The following CATSPERG variants were observed in gnomAD, a reference collection of about 807,000 sequenced individuals.
CATSPERG encodes catsper channel auxiliary subunit gamma.
A neutral mutation model predicts 145.0 loss-of-function variants in CATSPERG; 115 were observed. The ratio of observed to expected loss-of-function variants is 0.79; its 90% CI spans 0.68 to 0.93. The LOEUF (loss-of-function observed/expected upper bound fraction) is 0.93. Among genes scored for constraint, CATSPERG ranks in the 40% least tolerant of loss-of-function variants. The pLI, the probability that CATSPERG is intolerant of heterozygous loss-of-function variation, is 0.00. For missense variants in CATSPERG, 1,296 were observed against 1,490.1 expected (o/e 0.87, Z 2.14); for synonymous variants, 588 against 589.0 (o/e 1.00, Z 0.02).
chr19:38,357,499 G>C (rs999199054), intron 11 of CATSPERG, among the ~76,000 whole-genome samples: 4 of 139,564 alleles, frequency 2.9e-5, no homozygotes, highest in Non-Finnish European at 4.6e-5. Context: ...CTGGGTGACA[G>C]AGCAAGACCC....
In CATSPERG at chr19:38,360,392, C is replaced by G. The variant is rs188408847; in HGVS notation, c.1609-97C>G. On this transcript the variant is annotated intron_variant, in intron 14 of 28. Transcript: ENST00000409235. ...TGGAGGTGAGTTTCCAAACTTCATC[C>G]CTCAAACAATGGGGCCACCACACTG... is the stretch of plus-strand genomic sequence containing the variant. 1.0e-5 allele frequency: 16 copies of G among 1,538,272 alleles called. No individual in the cohort carries two copies. The South Asian group carries it at 2.0e-4, about 19-fold the overall frequency.
intron 3 of CATSPERG, among the ~76,000 whole-genome samples, chr19:38,342,592 T>G (rs1487161465): frequency 1.4e-5 from 2 of 141,164 alleles, no homozygotes; most frequent in East Asian, 2.1e-4. Context: ...AGAGTGAGAC[T>G]CCTTCTTGAA....
chr19:38,363,824 C>G (rs2145106099), intron 20 of CATSPERG, among the ~76,000 whole-genome samples: 1 of 152,320 alleles, frequency 6.6e-6, no homozygotes, highest in Middle Eastern at 3.4e-3. Flanking sequence ...AAGAATTTTT[C>G]CCAGTACAAA....
At chr19:38,369,380 C>A (rs953683690) in intron 26 of CATSPERG, 1 of 175,090 alleles carries the variant, frequency 5.7e-6, no homozygotes. Flanking sequence ...CCCAACTCAG[C>A]CTCCTGTGTA....
chr19:38,356,809 G>C lies in CATSPERG; in HGVS notation c.1263G>C (p.Glu421Asp). The C allele has an allele frequency of 6.2e-7, 1 of 1,614,176 alleles. No homozygotes were observed. Among genetic ancestry groups the C allele is most frequent in the Middle Eastern group, 1.6e-4 (1 of 6,062 alleles). Residue 421 changes from glutamate (E) to aspartate (D), a missense_variant, in exon 11 of 29, where the codon GAG becomes GAC. Physicochemically the swap from Glu to Asp is conservative, Grantham distance 45. Transcript: ENST00000409235. ...AGTATACTCTACTGCTGCTGGTGGA[G>C]AGTGGATATGGTAATGCAAGTAAAC... ...AGEYTLLLLV[E>D]SGYGNASKRF...
At chr19:38,349,967 T>C (rs950283923) in intron 7 of CATSPERG, among the ~76,000 whole-genome samples, 8 of 152,052 alleles carry the variant, frequency 5.3e-5, no homozygotes, top group Non-Finnish European at 7.4e-5. Context: ...ACCCGGCCGT[T>C]GCTCATTCTC....
rs769252944 is a variant in CATSPERG at position 38,367,188 on chromosome 19, C to T, written c.2646C>T (p.Cys882=). ...TGATGGTGCCAGTGTTCATTGGCTG[C>T]CCCCCAGGCAAGCGCCTGGCCTTCG... ...GNLMVPVFIG[C]PPGKRLAFDI... Residue 882 remains cysteine (C), a synonymous_variant, in exon 23 of 29, where the codon TGC becomes TGT. Coordinates refer to ENST00000409235, the MANE Select transcript of CATSPERG (RefSeq NM_021185.5). The T allele has an allele frequency of 1.2e-6, 2 of 1,612,820 alleles. No individual in the cohort carries two copies. Among genetic ancestry groups the T allele is most frequent in the African/African-American group, 2.7e-5 (2 of 74,830 alleles).
chr19:38,365,079 C>T lies in CATSPERG; in HGVS notation c.2575C>T (p.Leu859Phe), dbSNP rs1415943051. The change falls in exon 22 of 29, where the codon CTC becomes TTC. Residue 859 changes from leucine to phenylalanine, a missense_variant. Physicochemically the swap from Leu to Phe is conservative, Grantham distance 22 (BLOSUM62 0). Transcript: ENST00000409235. Reference protein sequence around the residue: ...MTVNVVGSSGLCFQETHLGPH... With the variant: ...MTVNVVGSSGFCFQETHLGPH... Reference sequence around the variant, plus strand: ...CCCACAGGTGGTGGGTTCATCCGGGCTCTGCTTCCAGGAAACACACCTGGG... The same window carrying T: ...CCCACAGGTGGTGGGTTCATCCGGGTTCTGCTTCCAGGAAACACACCTGGG... The T allele has an allele frequency of 3.1e-6, 5 of 1,613,804 alleles. No homozygotes were observed. The highest frequency in any genetic ancestry group is 4.2e-6 in the Non-Finnish European group (5 of 1,180,024).
chr19:38,336,344 T>G, intron 1 of CATSPERG: 6 of 326,280 alleles, frequency 1.8e-5, no homozygotes, highest in Non-Finnish European at 2.6e-5. Flanking sequence ...GGAGGGGCGT[T>G]ACCAGAGGGC....
intron 19 of CATSPERG, 33 bp from the exon 20 acceptor site, chr19:38,362,681 G>A: frequency 1.2e-6 from 2 of 1,607,536 alleles, no homozygotes; most frequent in Non-Finnish European, 1.7e-6. Context: ...TGTCTGTGAG[G>A]GAGGCCTTAA....
intron 13 of CATSPERG, 43 bp from the exon 14 acceptor site, chr19:38,359,427 G>T: frequency 7.6e-7 from 1 of 1,311,152 alleles, no homozygotes; most frequent in South Asian, 1.2e-5. Flanking sequence ...TGGGGGAAGC[G>T]GCTGTCCAGC....
At chr19:38,369,196 C>A (rs1424825944) in intron 26 of CATSPERG, among the ~76,000 whole-genome samples, 1 of 152,134 alleles carries the variant, frequency 6.6e-6, no homozygotes, top group African/African-American at 2.4e-5. Context: ...AAGCCATGAG[C>A]AAATGAAGGC....
chr19:38,347,537 G>A (rs1970061198), intron 7 of CATSPERG, among the ~76,000 whole-genome samples: 1 of 152,214 alleles, frequency 6.6e-6, no homozygotes, highest in African/African-American at 2.4e-5. Flanking sequence ...AATAGGGAGG[G>A]AGTGTCTGAA....
chr19:38,352,033 G>A (rs879520383), intron 7 of CATSPERG, among the ~76,000 whole-genome samples: 1 of 152,192 alleles, frequency 6.6e-6, no homozygotes, highest in African/African-American at 2.4e-5. Flanking sequence ...AACTCCAGGG[G>A]GCACACGAAG....
In CATSPERG at chr19:38,362,359, C is replaced by G. The variant is rs974846575; in HGVS notation, c.2158-17C>G. 1 of 1,614,016 alleles carries G rather than the reference C, an allele frequency of 6.2e-7. No individual in the cohort carries two copies. The highest frequency in any genetic ancestry group is 8.5e-7 in the Non-Finnish European group (1 of 1,179,874). On this transcript the variant is annotated splice_polypyrimidine_tract_variant and intron_variant, in intron 18 of 28. Transcript: ENST00000409235. ...CACCCCCGGCGCTGACTCTGCCCCGCGCATCCGGTACCCCAGGATTACTAC... is the reference window on the plus strand; with the variant it reads ...CACCCCCGGCGCTGACTCTGCCCCGGGCATCCGGTACCCCAGGATTACTAC...
At chr19:38,358,008 C>T (rs1600471221) in intron 11 of CATSPERG, 2 of 435,100 alleles carry the variant, frequency 4.6e-6, no homozygotes, top group East Asian at 4.1e-5. Context: ...ATCCCAGCTA[C>T]TCCATAGGCT....
chr19:38,346,333 T>G, intron 6 of CATSPERG, 117 bp from the exon 7 acceptor site: 17 of 921,510 alleles, frequency 1.8e-5, no homozygotes, highest in Non-Finnish European at 1.7e-5. Flanking sequence ...GTCAAGGAAG[T>G]GAGAAGGACA....
chr19:38,345,435 C>T (rs531553598), intron 6 of CATSPERG, among the ~76,000 whole-genome samples: 27 of 151,956 alleles, frequency 1.8e-4, no homozygotes, highest in African/African-American at 2.4e-4. Context: ...TCAAGTGATC[C>T]GCCTACCTCG....
At chr19:38,335,965 A>C in intron 1 of CATSPERG, 90 bp downstream of exon 1, 1 of 271,700 alleles carries the variant, frequency 3.7e-6, no homozygotes, top group East Asian at 1.4e-4. Flanking sequence ...GGGAAGGGGA[A>C]GGCGAGAAGG....
Sources: gnomAD v4.1 joint callset for allele counts (sites outside exome capture counted in the v4.1 genomes callset) on GRCh38, gnomAD v4.1.1 for gene constraint, MANE v1.5 for transcripts, NCBI Gene and HGNC (gene_info 2026-07-23, HGNC 2026-07-21) for gene names.